PTPRT: variants seen among roughly 807,000 people sequenced by gnomAD.
PTPRT encodes receptor-type tyrosine-protein phosphatase T.
In PTPRT, 56 loss-of-function variants were observed where a neutral mutation model predicts 176.8. The observed-to-expected ratio is 0.32, with a 90% CI of 0.26 to 0.40. The LOEUF (loss-of-function observed/expected upper bound fraction) is 0.40, where lower values mean the gene tolerates loss of function less well. PTPRT is among the 10% of genes least tolerant of loss of function. The probability of loss-of-function intolerance (pLI) is 1.00; values close to 1 mark genes in which losing one functional copy is unlikely to be tolerated. For synonymous variants in PTPRT, 783 were observed against 739.0 expected, an observed-to-expected ratio of 1.06 and a Z score of -0.96; for missense variants, 1,540 against 1,908.2, an observed-to-expected ratio of 0.81 and a Z score of 3.60.
chr20:42,613,053 T>C (rs897515589), intron 7 of PTPRT, among the ~76,000 whole-genome samples: 1 of 152,242 alleles, frequency 6.6e-6, no homozygotes, highest in African/African-American at 2.4e-5. Flanking sequence ...AAAAGATTTT[T>C]ATTTTCATGT....
intron 8 of PTPRT, among the ~76,000 whole-genome samples, chr20:42,459,218 T>C (rs1380480654): frequency 6.6e-6 from 1 of 152,098 alleles, no homozygotes; most frequent in Non-Finnish European, 1.5e-5. Context: ...CTGATATATG[T>C]GAAGAGAATG....
At chr20:42,633,809 AT>A (rs1569037173) in intron 7 of PTPRT, among the ~76,000 whole-genome samples, 16 of 96,466 alleles carry the variant, frequency 1.7e-4, no homozygotes, top group Middle Eastern at 3.6e-3. Context: ...ATATATATAT[AT>A]ATATATATAA....
the PTPRT span, among the ~76,000 whole-genome samples, chr20:42,053,921 A>T: frequency 6.6e-6 from 1 of 152,160 alleles, no homozygotes; most frequent in African/African-American, 2.4e-5. Flanking sequence ...AGAGGGGTCT[A>T]TCTTTCATCA....
intron 19 of PTPRT, among the ~76,000 whole-genome samples, chr20:42,121,652 C>G (rs1289368038): frequency 6.6e-6 from 1 of 151,154 alleles, no homozygotes; most frequent in Non-Finnish European, 1.5e-5. Context: ...GATATGAAAT[C>G]AACCTATGTG....
chr20:42,212,064 G>A (rs1346054885), intron 15 of PTPRT, among the ~76,000 whole-genome samples: 10 of 144,792 alleles, frequency 6.9e-5, no homozygotes, highest in Admixed American at 5.7e-4. Flanking sequence ...ACCAAACACC[G>A]CATATTCTCA....
chr20:42,133,372 T>C (rs1988220213), intron 18 of PTPRT, among the ~76,000 whole-genome samples: 1 of 152,086 alleles, frequency 6.6e-6, no homozygotes, highest in Admixed American at 6.6e-5. Flanking sequence ...CAGAAATGAG[T>C]TATCAAGCTG....
rs188735530 is a variant in PTPRT at position 43,154,349 on chromosome 20, T to C, written c.88+35297A>G. ...GGCTGTAAATGCATGGATTTATTTA[T>C]GGGTTCTCTATTCTCTTCCATTGGT... is the stretch of plus-strand genomic sequence containing the variant. On this transcript the variant is annotated intron_variant, in intron 1 of 30. Transcript: ENST00000373187. Among the ~76,000 whole-genome samples the C allele has an allele frequency of 1.4e-4, 22 of 152,352 alleles. No homozygotes were observed. The East Asian group carries it at 2.5e-3, about 17-fold the overall frequency.
At chr20:43,129,663 G>C (rs1428142213) in intron 1 of PTPRT, among the ~76,000 whole-genome samples, 1 of 121,218 alleles carries the variant, frequency 8.2e-6, no homozygotes, top group African/African-American at 3.1e-5. Flanking sequence ...CTGTCGCCCA[G>C]GCTGGAGTGC....
intron 8 of PTPRT, among the ~76,000 whole-genome samples, chr20:42,450,255 T>C (rs950699204): frequency 6.6e-6 from 1 of 152,268 alleles, no homozygotes; most frequent in African/African-American, 2.4e-5. Flanking sequence ...TGGAAATTAA[T>C]TTACTGGGCC....
intron 11 of PTPRT, among the ~76,000 whole-genome samples, chr20:42,325,568 C>T (rs1261539779): frequency 6.6e-6 from 1 of 152,164 alleles, no homozygotes; most frequent in Non-Finnish European, 1.5e-5. Context: ...AATCTGACTG[C>T]TTCTCAGCAT....
intron 12 of PTPRT, among the ~76,000 whole-genome samples, chr20:42,286,806 C>A (rs866901569): frequency 6.6e-6 from 1 of 151,714 alleles, no homozygotes; most frequent in Non-Finnish European, 1.5e-5. Context: ...AGTACAAAGG[C>A]AACCTACAAA....
chr20:42,835,358 G>A (rs945164337), intron 2 of PTPRT, among the ~76,000 whole-genome samples: 11 of 152,156 alleles, frequency 7.2e-5, no homozygotes, highest in African/African-American at 2.7e-4. Flanking sequence ...ACAATATGAG[G>A]GGACTTCAAA....
At chr20:42,262,568 G>A (rs974704354) in intron 13 of PTPRT, among the ~76,000 whole-genome samples, 8 of 152,326 alleles carry the variant, frequency 5.3e-5, no homozygotes, top group African/African-American at 1.9e-4. Context: ...CTCACAATTA[G>A]CCCAACAAAA....
chr20:42,196,851 C>T (rs1991236764), intron 16 of PTPRT, among the ~76,000 whole-genome samples: 1 of 152,134 alleles, frequency 6.6e-6, no homozygotes, highest in South Asian at 2.1e-4. Context: ...CAGTATGTGC[C>T]ATTAGACTTT....
At chr20:42,064,729 A>G in the PTPRT span, among the ~76,000 whole-genome samples, 24 of 152,352 alleles carry the variant, frequency 1.6e-4, no homozygotes, top group South Asian at 4.8e-3. Context: ...CTTCATTTAT[A>G]AAAGTAATTG....
At chr20:43,070,310 AAAAGTCAG>A (rs1313744071) in intron 1 of PTPRT, among the ~76,000 whole-genome samples, 1 of 152,174 alleles carries the variant, frequency 6.6e-6, no homozygotes, top group Non-Finnish European at 1.5e-5. Context: ...GCGATCATTA[AAAAGTCAG>A]GAAACAACAG....
At chr20:42,691,754 T>C (rs908847703) in intron 6 of PTPRT, among the ~76,000 whole-genome samples, 7 of 152,148 alleles carry the variant, frequency 4.6e-5, no homozygotes, top group African/African-American at 7.2e-5. Context: ...CAAGGTCCCA[T>C]AGACCTCTGT....
intron 14 of PTPRT, among the ~76,000 whole-genome samples, chr20:42,238,030 AT>A (rs1321640734): frequency 2.6e-5 from 4 of 152,316 alleles, no homozygotes; most frequent in Admixed American, 2.0e-4. Flanking sequence ...AACTCCCAAG[AT>A]GGGGCTATCT....
intron 1 of PTPRT, among the ~76,000 whole-genome samples, chr20:42,910,021 C>A (rs930152615): frequency 6.6e-6 from 1 of 152,138 alleles, no homozygotes; most frequent in African/African-American, 2.4e-5. Context: ...TCAATCACAC[C>A]TTTGAATCTT....
Sources: gnomAD v4.1 joint callset for allele counts (sites outside exome capture counted in the v4.1 genomes callset) on GRCh38, gnomAD v4.1.1 for gene constraint, MANE v1.5 for transcripts, NCBI Gene and HGNC (gene_info 2026-07-23, HGNC 2026-07-21) for gene names.